IQCE: variants seen among roughly 807,000 people sequenced by gnomAD.
The protein encoded by IQCE is IQ domain-containing protein E.
In IQCE, 115 loss-of-function variants were observed where a neutral mutation model predicts 96.0. The observed-to-expected ratio is 1.20, with a 90% CI of 1.03 to 1.40. The LOEUF (loss-of-function observed/expected upper bound fraction) is 1.40, where lower values mean the gene tolerates loss of function less well. IQCE is among the 40% of genes most tolerant of loss of function. The probability of loss-of-function intolerance (pLI) is 0.00; values close to 1 mark genes in which losing one functional copy is unlikely to be tolerated. For missense variants in IQCE, 1,041 were observed against 909.1 expected (o/e 1.15, Z -1.87); for synonymous variants, 412 against 371.2 (o/e 1.11, Z -1.26).
chr7:2,565,543 A>C (rs1259437597), intron 1 of IQCE, among the ~76,000 whole-genome samples: 1 of 152,194 alleles, frequency 6.6e-6, no homozygotes, highest in Admixed American at 6.5e-5. Flanking sequence ...ACAGATGTTT[A>C]CAGAGAAAGT....
At chr7:2,562,761 C>T (rs1264865501) in intron 1 of IQCE, among the ~76,000 whole-genome samples, 3 of 150,162 alleles carry the variant, frequency 2.0e-5, no homozygotes, top group Non-Finnish European at 3.0e-5. Context: ...AATTTTTATT[C>T]CTTTCTTTTA....
Position 2,571,512 on chromosome 7 carries a change from G to A in IQCE, c.131-14G>A. Reference sequence around the variant, plus strand: ...CTGTCCGGCACCTCTGAATCCACGTGTTGGCTTTTCCAGAGTCACCTTATC... The same window carrying A: ...CTGTCCGGCACCTCTGAATCCACGTATTGGCTTTTCCAGAGTCACCTTATC... On this transcript the variant is annotated splice_polypyrimidine_tract_variant and intron_variant, in intron 3 of 21. Transcript: ENST00000402050. The A allele has an allele frequency of 1.2e-6, 2 of 1,605,848 alleles. No individual in the cohort carries two copies. The highest frequency in any genetic ancestry group is 1.7e-6 in the Non-Finnish European group (2 of 1,179,960).
chr7:2,569,705 C>G (rs1339902265), intron 3 of IQCE, among the ~76,000 whole-genome samples: 5 of 152,204 alleles, frequency 3.3e-5, no homozygotes, highest in African/African-American at 1.2e-4. Flanking sequence ...CTGTGGCCTT[C>G]CCTGGCTGTG....
At position 2,593,030 on chromosome 7, in the gene IQCE, T is replaced by C. The variant is rs1191586576; in HGVS notation, c.1253T>C (p.Val418Ala). 1 of 1,604,946 alleles carries C rather than the reference T, an allele frequency of 6.2e-7. No individual in the cohort carries two copies. The highest frequency in any genetic ancestry group is 8.5e-7 in the Non-Finnish European group (1 of 1,173,104). The stretch of plus-strand genomic sequence containing the variant: ...CCTATTCTTGTGTGCAGTTTGGAGG[T>C]GAAGCAGCTCCTGCAGGCGAAGGCC... ...QEQLLQRDLE[V>A]KQLLQAKADL... The change falls in exon 15 of 22, where the codon GTG becomes GCG. Residue 418 changes from valine to alanine, a missense_variant. Transcript: ENST00000402050.
At chr7:2,574,872 G>A (rs926022290) in intron 6 of IQCE, among the ~76,000 whole-genome samples, 5 of 152,164 alleles carry the variant, frequency 3.3e-5, no homozygotes, top group Admixed American at 1.3e-4. Flanking sequence ...AGTTGAGCCC[G>A]TTGTTTGTTG....
At chr7:2,587,031 C>G (rs1783177333) in intron 12 of IQCE, among the ~76,000 whole-genome samples, 1 of 152,162 alleles carries the variant, frequency 6.6e-6, no homozygotes, top group South Asian at 2.1e-4. Flanking sequence ...TGCTGGTGGC[C>G]TGGATGGGGG....
rs1204809406 is a variant in IQCE, at chr7:2,610,568, C to T, written c.*406C>T. On this transcript the variant is annotated 3_prime_UTR_variant, in exon 22 of 22. Coordinates refer to ENST00000402050, the MANE Select transcript of IQCE (RefSeq NM_152558.5). ...CATGCCCCCTCTTCCTGGTGACACC[C>T]TCAACAACCAGGATTTGCTCGATCT... 1.0e-5 allele frequency: 2 copies of T among 192,720 alleles called. No homozygotes were observed. The highest frequency in any genetic ancestry group is 2.2e-5 in the Non-Finnish European group (2 of 92,712). 11.9% of individuals were successfully genotyped at this position (192,720 alleles called of 1,614,324 possible).
At chr7:2,605,223 G>A (rs1784716855) in intron 19 of IQCE, among the ~76,000 whole-genome samples, 1 of 152,226 alleles carries the variant, frequency 6.6e-6, no homozygotes, top group Non-Finnish European at 1.5e-5. Flanking sequence ...TTAAGCTGCC[G>A]GAGAGTCAAG....
At chr7:2,570,816 A>G (rs1406959064) in intron 3 of IQCE, among the ~76,000 whole-genome samples, 3 of 152,186 alleles carry the variant, frequency 2.0e-5, no homozygotes, top group African/African-American at 7.2e-5. Flanking sequence ...CATTTATTTT[A>G]GATATTTTAC....
chr7:2,608,892 A>G (rs1176362962), intron 21 of IQCE, among the ~76,000 whole-genome samples: 3 of 152,256 alleles, frequency 2.0e-5, no homozygotes, highest in Non-Finnish European at 4.4e-5. Context: ...TTTTAATTTC[A>G]TAAGGTTCCC....
intron 8 of IQCE, chr7:2,579,961 C>G (rs986009927): frequency 2.6e-5 from 4 of 152,094 alleles, no homozygotes; most frequent in African/African-American, 4.8e-5. Context: ...CGAAGTTTCC[C>G]AGGCTCATGT....
intron 4 of IQCE, among the ~76,000 whole-genome samples, 186 bp downstream of exon 4, chr7:2,571,840 C>T (rs1293111598): frequency 6.6e-6 from 1 of 152,148 alleles, no homozygotes; most frequent in African/African-American, 2.4e-5. Context: ...CGCCAAGTGG[C>T]GCTTTAGCCT....
intron 8 of IQCE, among the ~76,000 whole-genome samples, chr7:2,579,540 G>C (rs1026265149): frequency 1.3e-5 from 2 of 152,182 alleles, no homozygotes; most frequent in Non-Finnish European, 2.9e-5. Context: ...CTATGTCACA[G>C]ATATAGAATG....
At position 2,586,300 on chromosome 7, in the gene IQCE, A is replaced by G; in HGVS notation, c.917A>G (p.Glu306Gly). ...TCCCGGAGTGTCCAGGAGCTCACGG[A>G]AGAGAACCAGAGCCTGAAGGAGGAC... ...SLSRSVQELTEENQSLKEDLD... is the reference protein window; with the variant it reads ...SLSRSVQELTGENQSLKEDLD... Residue 306 changes from glutamate to glycine, a missense_variant, in exon 12 of 22, where the codon GAA becomes GGA. Coordinates refer to ENST00000402050, the MANE Select transcript of IQCE (RefSeq NM_152558.5). 3 of 1,614,042 alleles carry G rather than the reference A, an allele frequency of 1.9e-6. No individual in the cohort carries two copies. The highest frequency in any genetic ancestry group is 2.5e-6 in the Non-Finnish European group (3 of 1,179,966).
At chr7:2,562,424 A>G (rs1781034766) in intron 1 of IQCE, among the ~76,000 whole-genome samples, 1 of 151,962 alleles carries the variant, frequency 6.6e-6, no homozygotes, top group Admixed American at 6.6e-5. Flanking sequence ...TATCAGTGTA[A>G]TATAGGTCTC....
intron 21 of IQCE, 81 bp downstream of exon 21, chr7:2,607,308 G>A: frequency 6.3e-7 from 1 of 1,590,950 alleles, no homozygotes; most frequent in Non-Finnish European, 8.6e-7. Context: ...CCTCCAGGAA[G>A]CCCGGGCTGT....
intron 1 of IQCE, chr7:2,566,456 T>TG (rs66726952): frequency 2.2e-5 from 2 of 90,518 alleles, no homozygotes; most frequent in African/African-American, 4.0e-5. Flanking sequence ...TTGGTTTTCG[T>TG]TTTTTTTTTT....
intron 7 of IQCE, 40 bp from the exon 8 acceptor site, chr7:2,578,436 C>CA (rs3214664): frequency 0.42 from 675,034 of 1,613,200 alleles, 144,966 homozygotes; most frequent in Non-Finnish European, 0.45. Context: ...CTGGGGGCTA[C>CA]ACCGAAGGCC....
intron 1 of IQCE, 84 bp from the exon 2 acceptor site, chr7:2,567,032 C>T (rs1425378878): frequency 8.1e-6 from 9 of 1,108,070 alleles, no homozygotes; most frequent in Middle Eastern, 2.1e-4. Context: ...CAGCTGTGGA[C>T]GGGCTGTTTT....
Sources: gnomAD v4.1 joint callset for allele counts (sites outside exome capture counted in the v4.1 genomes callset) on GRCh38, gnomAD v4.1.1 for gene constraint, MANE v1.5 for transcripts, NCBI Gene and HGNC (gene_info 2026-07-23, HGNC 2026-07-21) for gene names.